Variants in MN1 observed in about 807,000 individuals in gnomAD.
MN1 encodes MN1 proto-oncogene, transcriptional regulator, also known as transcriptional activator MN1.
In MN1, 19 loss-of-function variants were observed where a neutral mutation model predicts 86.9. The ratio of observed to expected loss-of-function variants is 0.22; its 90% CI spans 0.15 to 0.32. The LOEUF (loss-of-function observed/expected upper bound fraction) is 0.32, where lower values mean the gene tolerates loss of function less well. MN1 is among the 10% of genes least tolerant of loss of function. The pLI, the probability that MN1 is intolerant of heterozygous loss-of-function variation, is 1.00. For synonymous variants in MN1, 928 were observed against 849.6 expected (o/e 1.09, Z -1.60); for missense variants, 1,841 against 1,862.0 (o/e 0.99, Z 0.21).
rs144487209 is a variant in MN1, at chr22:27,763,404, TA to T, written c.3782-12309del. Among the ~76,000 whole-genome samples the T allele has an allele frequency of 6.8e-3, 1,035 of 152,260 alleles. 7 individuals carry two copies. The highest frequency in any genetic ancestry group is 0.024 in the African/African-American group (988 of 41,546). ...TTCATCGCCGGGGAAGGGCTTTGCA[TA>T]GGGGTCAGTTGTGCACAGTCACGCA... On this transcript the variant is annotated intron_variant, in intron 1 of 1. Coordinates refer to ENST00000302326, the MANE Select transcript of MN1 (RefSeq NM_002430.3).
At chr22:27,776,997 C>CA (rs1053681965) in intron 1 of MN1, among the ~76,000 whole-genome samples, 1 of 152,100 alleles carries the variant, frequency 6.6e-6, no homozygotes, top group Non-Finnish European at 1.5e-5. Flanking sequence ...AACTGGCATG[C>CA]AAAAAGTTTT....
At chr22:27,785,021 G>A (rs1246271909) in intron 1 of MN1, among the ~76,000 whole-genome samples, 1 of 149,772 alleles carries the variant, frequency 6.7e-6, no homozygotes, top group African/African-American at 2.5e-5. Context: ...CTATTTGATC[G>A]CCGGCATCTA....
intron 1 of MN1, among the ~76,000 whole-genome samples, chr22:27,795,968 T>C (rs1469193890): frequency 6.6e-6 from 1 of 152,016 alleles, no homozygotes; most frequent in Non-Finnish European, 1.5e-5. Context: ...CCAAGCGAGA[T>C]ATTGACAAAC....
intron 1 of MN1, among the ~76,000 whole-genome samples, chr22:27,784,795 T>G (rs1391407496): frequency 6.6e-6 from 1 of 151,628 alleles, no homozygotes; most frequent in Non-Finnish European, 1.5e-5. Flanking sequence ...ATACATAACC[T>G]CTGAAAATCT....
chr22:27,795,356 T>C (rs1235190538), intron 1 of MN1, among the ~76,000 whole-genome samples: 4 of 152,056 alleles, frequency 2.6e-5, no homozygotes, highest in Non-Finnish European at 5.9e-5. Flanking sequence ...CCCAGCCCAC[T>C]CTCGCTTCCT....
chr22:27,776,739 T>C (rs1601332662), intron 1 of MN1, among the ~76,000 whole-genome samples: 1 of 151,606 alleles, frequency 6.6e-6, no homozygotes, highest in African/African-American at 2.4e-5. Context: ...ATGCCCCCCC[T>C]CACCCGCCCC....
At chr22:27,786,439 A>G (rs1933134171) in intron 1 of MN1, among the ~76,000 whole-genome samples, 1 of 152,090 alleles carries the variant, frequency 6.6e-6, no homozygotes, top group Non-Finnish European at 1.5e-5. Flanking sequence ...AAACACACAC[A>G]CACACACACA....
intron 1 of MN1, among the ~76,000 whole-genome samples, chr22:27,770,953 T>C (rs965269516): frequency 6.6e-6 from 1 of 151,844 alleles, no homozygotes; most frequent in Non-Finnish European, 1.5e-5. Flanking sequence ...AGCCACCACA[T>C]CCAGCCCATT....
chr22:27,763,385 G>A (rs1932847374), intron 1 of MN1, among the ~76,000 whole-genome samples: 1 of 152,086 alleles, frequency 6.6e-6, no homozygotes, highest in Non-Finnish European at 1.5e-5. Context: ...CTGCTTCATC[G>A]CCGGGGAAGG....
chr22:27,762,031 C>T (rs563071462), intron 1 of MN1, among the ~76,000 whole-genome samples: 30 of 152,286 alleles, frequency 2.0e-4, no homozygotes, highest in East Asian at 9.7e-4. Context: ...CAGCCGCGGA[C>T]GGCAGGATGG....
chr22:27,799,900 T>C lies in MN1; in HGVS notation c.644A>G (p.His215Arg). 6.2e-7 allele frequency: 1 copy of C among 1,602,166 alleles called. No homozygotes were observed. Reference sequence around the variant, plus strand: ...CGTCACCCTCCGTGGCTCCAGACTGTGGGAATCGGAGCCGCTGGAGGACGG... The same window carrying C: ...CGTCACCCTCCGTGGCTCCAGACTGCGGGAATCGGAGCCGCTGGAGGACGG... ...GLPSSSGSDSHSLEPRRVTNQ... is the reference protein window; with the variant it reads ...GLPSSSGSDSRSLEPRRVTNQ... The change falls in exon 1 of 2, where the codon CAC (histidine) becomes CGC (arginine). Residue 215 changes from histidine to arginine, a missense_variant. Transcript: ENST00000302326.
In MN1 at chr22:27,798,096, C is replaced by T; in HGVS notation, c.2448G>A (p.Lys816=). The T allele has an allele frequency of 1.2e-6, 2 of 1,611,396 alleles. No individual in the cohort carries two copies. Among genetic ancestry groups the T allele is most frequent in the Non-Finnish European group, 1.7e-6 (2 of 1,179,828 alleles). Residue 816 remains lysine (K), a synonymous_variant, in exon 1 of 2, where the codon AAG becomes AAA. Transcript: ENST00000302326. ...SLGSFNKPSS[K]DNLFGQSCLA... ...GGCAGCTCTGGCCGAACAGGTTGTCCTTGGAGCTGGGCTTGTTGAAGGAGC... is the reference window on the plus strand; with the variant it reads ...GGCAGCTCTGGCCGAACAGGTTGTCTTTGGAGCTGGGCTTGTTGAAGGAGC...
intron 1 of MN1, among the ~76,000 whole-genome samples, chr22:27,756,936 A>G (rs1280578860): frequency 6.6e-6 from 1 of 151,940 alleles, no homozygotes; most frequent in East Asian, 1.9e-4. Context: ...TTTAAAATTT[A>G]TTTTGTAGAG....
At chr22:27,773,256 G>A (rs541731956) in intron 1 of MN1, among the ~76,000 whole-genome samples, 10 of 152,220 alleles carry the variant, frequency 6.6e-5, no homozygotes, top group South Asian at 2.1e-4. Flanking sequence ...AAAGGCCACC[G>A]GGCGCCAGGG....
intron 1 of MN1, among the ~76,000 whole-genome samples, chr22:27,771,944 G>T (rs747852285): frequency 2.0e-5 from 3 of 152,144 alleles, no homozygotes; most frequent in Non-Finnish European, 4.4e-5. Context: ...TTCCACCGCC[G>T]TATATCAATT....
chr22:27,799,116 G>A lies in MN1; in HGVS notation c.1428C>T (p.Ser476=). 6.2e-7 allele frequency: 1 copy of A among 1,604,128 alleles called. No homozygotes were observed. Among genetic ancestry groups the A allele is most frequent in the Non-Finnish European group, 8.5e-7 (1 of 1,173,020 alleles). Residue 476 remains serine, a synonymous_variant, in exon 1 of 2, where the codon AGC becomes AGT. Coordinates refer to ENST00000302326, the MANE Select transcript of MN1 (RefSeq NM_002430.3). ...GVDRCASWNG[S]MHNGALDNHL... ...GATTATCCAGAGCGCCGTTGTGCAT[G>A]CTGCCGTTCCACGAAGCGCAGCGGT...
intron 1 of MN1, among the ~76,000 whole-genome samples, chr22:27,761,517 C>A (rs1047648433): frequency 9.9e-5 from 15 of 152,130 alleles, no homozygotes; most frequent in Non-Finnish European, 1.6e-4. Flanking sequence ...GGACAGCCCC[C>A]GCCCCTTAAC....
chr22:27,779,442 C>T (rs965913737), intron 1 of MN1, among the ~76,000 whole-genome samples: 5 of 152,218 alleles, frequency 3.3e-5, no homozygotes, highest in East Asian at 1.9e-4. Flanking sequence ...AAACAGCCAA[C>T]GGCATGACCT....
intron 1 of MN1, among the ~76,000 whole-genome samples, chr22:27,780,655 A>G (rs1933041779): frequency 6.6e-6 from 1 of 152,176 alleles, no homozygotes; most frequent in African/African-American, 2.4e-5. Flanking sequence ...ATTCTACTTC[A>G]CTGTCACTGC....
Sources: gnomAD v4.1 joint callset for allele counts (sites outside exome capture counted in the v4.1 genomes callset) on GRCh38, gnomAD v4.1.1 for gene constraint, MANE v1.5 for transcripts, NCBI Gene and HGNC (gene_info 2026-07-23, HGNC 2026-07-21) for gene names.